The following ABI1 variants were observed in gnomAD, a reference collection of about 807,000 sequenced individuals.
ABI1 encodes the protein abl interactor 1, also known as Abelson interactor 1.
Under a neutral mutation model 54.6 loss-of-function variants are expected in ABI1, and 14 were observed. The observed-to-expected ratio is 0.26, with a 90% CI of 0.17 to 0.40. The LOEUF (loss-of-function observed/expected upper bound fraction) is 0.40. ABI1 is among the 10% of genes least tolerant of loss of function. The pLI is 1.00. For synonymous variants in ABI1, 194 were observed against 209.3 expected, an observed-to-expected ratio of 0.93 and a Z score of 0.63; for missense variants, 443 against 598.3, an observed-to-expected ratio of 0.74 and a Z score of 2.71.
rs1309040911 is a variant in ABI1 at position 26,746,643 on chromosome 10, C to CTT, written c.*1925_*1926dup. On this transcript the variant is annotated 3_prime_UTR_variant, in exon 11 of 11. Coordinates refer to ENST00000376140, the MANE Select transcript of ABI1 (RefSeq NM_001012750.3). ...TTATTGCAAAAGTTTTTTCAGAAAA[C>CTT]TTTTTAAATGTAATTAATAAACCAC... 1 of 664,644 alleles carries CTT rather than the reference C, an allele frequency of 1.5e-6. No homozygotes were observed. Among genetic ancestry groups the CTT allele is most frequent in the African/African-American group, 1.8e-5 (1 of 55,006 alleles). 41.2% of individuals were successfully genotyped at this position (664,644 alleles called of 1,614,324 possible).
chr10:26,851,917 T>C (rs11015340), intron 1 of ABI1, among the ~76,000 whole-genome samples: 21,422 of 152,134 alleles, frequency 0.14, 1,899 homozygotes, highest in African/African-American at 0.25. Flanking sequence ...AAGAACAAAC[T>C]GGCGAGGTTA....
chr10:26,791,197 A>G (rs947726405), intron 2 of ABI1, among the ~76,000 whole-genome samples: 2 of 152,176 alleles, frequency 1.3e-5, no homozygotes, highest in Admixed American at 1.3e-4. Flanking sequence ...ATGGAACATA[A>G]CATAATCAAG....
Position 26,785,256 on chromosome 10 carries a change from C to T in ABI1, c.286-8015G>A, listed in dbSNP as rs192743464. Among the ~76,000 whole-genome samples, 13 of 152,312 alleles carry T rather than the reference C, an allele frequency of 8.5e-5. No homozygotes were observed. In the East Asian group the frequency reaches 2.5e-3, roughly 29 times the overall value. Reference sequence around the variant, plus strand: ...TGAATACTGTTGGAAGGCAATTATACTTGAGTCTTTCATGTTTCTGTACCT... The same window carrying T: ...TGAATACTGTTGGAAGGCAATTATATTTGAGTCTTTCATGTTTCTGTACCT... On this transcript the variant is annotated intron_variant, in intron 2 of 10. Transcript: ENST00000376140.
chr10:26,801,716 A>T (rs1263785116), intron 2 of ABI1, among the ~76,000 whole-genome samples: 1 of 152,216 alleles, frequency 6.6e-6, no homozygotes, highest in East Asian at 1.9e-4. Flanking sequence ...TTTTTCATTA[A>T]CTGAAGTAAA....
At position 26,748,997 on chromosome 10, in the gene ABI1, C is replaced by G. The variant is rs149226093; in HGVS notation, c.1271-252G>C. Among the ~76,000 whole-genome samples the G allele has an allele frequency of 4.0e-3, 602 of 152,276 alleles. 5 individuals are homozygous for G. Among genetic ancestry groups the G allele is most frequent in the Non-Finnish European group, 4.6e-3 (310 of 68,022 alleles). On this transcript the variant is annotated intron_variant, in intron 10 of 10. Transcript: ENST00000376140. ...GGTTCTGTCAATCACTTTAAGAAAG[C>G]TCTCTGAATTTTAGAATTTATTAGA...
chr10:26,746,620 A>G lies in ABI1; in HGVS notation c.*1950T>C, dbSNP rs1836943381. On this transcript the variant is annotated 3_prime_UTR_variant, in exon 11 of 11. Transcript: ENST00000376140. ...ATTGATGGGCAATTTATTTTTTTTT[A>G]TTGCAAAAGTTTTTTCAGAAAACTT... 4.8e-6 allele frequency: 4 copies of G among 830,486 alleles called. No homozygotes were observed. The highest frequency in any genetic ancestry group is 7.6e-6 in the Non-Finnish European group (4 of 526,504). The allele number at this position is 830,486 out of a possible 1,614,324, so 51.4% of individuals were successfully genotyped here.
At chr10:26,814,585 A>G (rs2047439134) in intron 2 of ABI1, among the ~76,000 whole-genome samples, 1 of 152,198 alleles carries the variant, frequency 6.6e-6, no homozygotes, top group South Asian at 2.1e-4. Context: ...GCACCTTTAG[A>G]TGACTACTGT....
At chr10:26,842,645 C>T (rs189469802) in intron 1 of ABI1, among the ~76,000 whole-genome samples, 1 of 152,140 alleles carries the variant, frequency 6.6e-6, no homozygotes, top group African/African-American at 2.4e-5. Flanking sequence ...AAAATGTGTA[C>T]AATTAAACAA....
chr10:26,795,836 T>C (rs1357774451), intron 2 of ABI1, among the ~76,000 whole-genome samples: 1 of 152,142 alleles, frequency 6.6e-6, no homozygotes, highest in Admixed American at 6.5e-5. Context: ...AATATACAGA[T>C]TTAACCCAAT....
At chr10:26,805,094 T>A (rs1043915153) in intron 2 of ABI1, among the ~76,000 whole-genome samples, 28 of 152,040 alleles carry the variant, frequency 1.8e-4, no homozygotes, top group African/African-American at 6.3e-4. Flanking sequence ...AAACACATAA[T>A]TGGAAAAACA....
At chr10:26,802,618 A>ATTC (rs1191306837) in intron 2 of ABI1, among the ~76,000 whole-genome samples, 1 of 152,226 alleles carries the variant, frequency 6.6e-6, no homozygotes, top group Non-Finnish European at 1.5e-5. Flanking sequence ...GATGAGGGGA[A>ATTC]AGGGGAAAAC....
intron 2 of ABI1, among the ~76,000 whole-genome samples, chr10:26,807,851 G>A (rs754509216): frequency 6.6e-5 from 10 of 152,220 alleles, no homozygotes; most frequent in Non-Finnish European, 1.3e-4. Context: ...CAGCACTTTG[G>A]GAGGCCAAGG....
At chr10:26,811,353 T>A (rs972075422) in intron 2 of ABI1, among the ~76,000 whole-genome samples, 5 of 152,164 alleles carry the variant, frequency 3.3e-5, no homozygotes, top group Non-Finnish European at 5.9e-5. Context: ...TATTAGTGTA[T>A]CTCTACTATA....
At chr10:26,766,487 G>A (rs1047530924) in intron 6 of ABI1, among the ~76,000 whole-genome samples, 2 of 152,172 alleles carry the variant, frequency 1.3e-5, no homozygotes, top group African/African-American at 2.4e-5. Flanking sequence ...GCCTGGATAA[G>A]ATTTTTATTT....
intron 1 of ABI1, among the ~76,000 whole-genome samples, chr10:26,834,266 A>G (rs975331772): frequency 1.3e-5 from 2 of 152,080 alleles, no homozygotes; most frequent in Non-Finnish European, 2.9e-5. Context: ...ATATACTGGA[A>G]TATCATCTAG....
chr10:26,831,548 A>G (rs542235022), intron 1 of ABI1, among the ~76,000 whole-genome samples: 4 of 151,458 alleles, frequency 2.6e-5, no homozygotes, highest in East Asian at 3.9e-4. Flanking sequence ...GTCTCAAAGG[A>G]AAAAAAAACC....
intron 1 of ABI1, among the ~76,000 whole-genome samples, chr10:26,837,363 A>G (rs2049151721): frequency 6.6e-6 from 1 of 152,108 alleles, no homozygotes; most frequent in Non-Finnish European, 1.5e-5. Flanking sequence ...CCCTAGCTCT[A>G]TGGGATCAGG....
At chr10:26,750,227 G>A (rs1216663521) in intron 10 of ABI1, among the ~76,000 whole-genome samples, 2 of 152,184 alleles carry the variant, frequency 1.3e-5, no homozygotes, top group Middle Eastern at 3.2e-3. Flanking sequence ...GGCCACGCTC[G>A]GCTCATGCCG....
In ABI1 at chr10:26,747,583, G is replaced by A. The variant is rs750189670; in HGVS notation, c.*987C>T. ...ACAACAGTTCACTGTACAACTGAAG[G>A]ACTGACATGGCAATCCTTAAGAATT... is the stretch of plus-strand genomic sequence containing the variant. On this transcript the variant is annotated 3_prime_UTR_variant, in exon 11 of 11. Transcript: ENST00000376140. 5.5e-5 allele frequency: 11 copies of A among 201,568 alleles called. No homozygotes were observed. The highest frequency in any genetic ancestry group is 8.2e-5 in the Non-Finnish European group (8 of 98,104). The allele number at this position is 201,568 out of a possible 1,614,324, so 12.5% of individuals were successfully genotyped here.
Sources: allele counts gnomAD v4.1 joint callset (sites outside exome capture counted in the v4.1 genomes callset), GRCh38; gene constraint gnomAD v4.1.1; transcripts MANE v1.5; gene names NCBI Gene and HGNC (gene_info 2026-07-23, HGNC 2026-07-21).